The following ENTPD1 variants were observed in gnomAD, a reference collection of about 807,000 sequenced individuals.
The protein encoded by ENTPD1 is ectonucleoside triphosphate diphosphohydrolase 1.
Under a neutral mutation model 57.0 loss-of-function variants are expected in ENTPD1, and 33 were observed. That is an observed-to-expected ratio of 0.58 (90% CI 0.44 to 0.77). The LOEUF (loss-of-function observed/expected upper bound fraction) is 0.77, where lower values mean the gene tolerates loss of function less well. ENTPD1 is among the 30% of genes least tolerant of loss of function. The pLI is 0.00. For missense variants in ENTPD1, 501 were observed against 603.4 expected (o/e 0.83, Z 1.78); for synonymous variants, 202 against 218.8 (o/e 0.92, Z 0.68).
chr10:95,853,312 CA>C (rs1252019804), intron 7 of ENTPD1, among the ~76,000 whole-genome samples: 1 of 152,170 alleles, frequency 6.6e-6, no homozygotes, highest in Admixed American at 6.5e-5. Context: ...AGTTGTTTAT[CA>C]GCTTAAGGAG....
chr10:95,707,333 T>A (rs981608309), upstream of ENTPD1, among the ~76,000 whole-genome samples: 4 of 152,240 alleles, frequency 2.6e-5, no homozygotes, highest in Admixed American at 1.3e-4. Context: ...GGCCTGGGTC[T>A]GCAGCCACAG....
Position 95,856,243 on chromosome 10 carries a change from C to T in ENTPD1, c.1075-4226C>T, listed in dbSNP as rs184924780. Among the ~76,000 whole-genome samples, 736 of 152,236 alleles carry T rather than the reference C, an allele frequency of 4.8e-3. 4 individuals carry two copies. Among genetic ancestry groups the T allele is most frequent in the Non-Finnish European group, 7.5e-3 (511 of 67,998 alleles). ...AATGGCCAACAAACATGAAAAAATG[C>T]TCAACATCACTAATTATCAGGGAAA... is the stretch of plus-strand genomic sequence containing the variant. On this transcript the variant is annotated intron_variant, in intron 7 of 9. Coordinates refer to ENST00000371205, the MANE Select transcript of ENTPD1 (RefSeq NM_001776.6).
chr10:95,736,619 C>T (rs2097994917), intron 1 of ENTPD1, among the ~76,000 whole-genome samples: 1 of 152,070 alleles, frequency 6.6e-6, no homozygotes, highest in Non-Finnish European at 1.5e-5. Context: ...CACGCACACC[C>T]CTTCAGATCT....
chr10:95,727,193 G>A (rs1371305743), intron 1 of ENTPD1, among the ~76,000 whole-genome samples: 2 of 152,000 alleles, frequency 1.3e-5, no homozygotes, highest in Non-Finnish European at 2.9e-5. Flanking sequence ...TCATAGTTTT[G>A]GTACACTGAA....
chr10:95,842,991 G>T (rs1209996172), intron 4 of ENTPD1, among the ~76,000 whole-genome samples: 6 of 152,200 alleles, frequency 3.9e-5, no homozygotes, highest in Non-Finnish European at 7.3e-5. Flanking sequence ...AAGGAAATCA[G>T]TTTCAATGCA....
At chr10:95,793,696 G>A (rs1184398922) in intron 1 of ENTPD1, among the ~76,000 whole-genome samples, 2 of 152,130 alleles carry the variant, frequency 1.3e-5, no homozygotes, top group Non-Finnish European at 2.9e-5. Context: ...TCTGATGCAG[G>A]TTTATGGTTA....
rs370370582 is a variant in ENTPD1, at chr10:95,809,695, C to T, written c.17-13542C>T. Among the ~76,000 whole-genome samples, 648 of 123,716 alleles carry T rather than the reference C, an allele frequency of 5.2e-3. 2 individuals carry two copies. Among genetic ancestry groups the T allele is most frequent in the Middle Eastern group, 0.025 (3 of 122 alleles). 81.2% of individuals were successfully genotyped at this position (123,716 alleles called of 152,430 possible). A position where few individuals can be genotyped will look rare whatever the true frequency, so the allele number is the denominator to read the frequency against. ...AGACGGGGTGGCCGCCGGGCAGAGG[C>T]GCTCCCCACCCCCCAGACGGGGTGG... On this transcript the variant is annotated intron_variant, in intron 1 of 9. Transcript: ENST00000371205.
At chr10:95,757,872 G>A (rs928104805) in intron 1 of ENTPD1, among the ~76,000 whole-genome samples, 6 of 151,780 alleles carry the variant, frequency 4.0e-5, no homozygotes, top group Non-Finnish European at 8.8e-5. Flanking sequence ...GGGTGTGGTG[G>A]TGTGCGCCTG....
intron 1 of ENTPD1, chr10:95,785,294 C>T (rs2098174778): frequency 6.6e-6 from 1 of 152,218 alleles, no homozygotes; most frequent in Non-Finnish European, 1.5e-5. Flanking sequence ...GATAAACCTA[C>T]CTTCCAATCA....
intron 1 of ENTPD1, among the ~76,000 whole-genome samples, chr10:95,716,630 T>C (rs2097971862): frequency 6.6e-6 from 1 of 152,104 alleles, no homozygotes; most frequent in South Asian, 2.1e-4. Context: ...TCCACATGCT[T>C]GCTTGCCACT....
At chr10:95,726,324 C>T in intron 1 of ENTPD1, among the ~76,000 whole-genome samples, 1 of 152,142 alleles carries the variant, frequency 6.6e-6, no homozygotes, top group East Asian at 1.9e-4. Flanking sequence ...ATTTTAAAAA[C>T]TAAAGAGAAG....
At chr10:95,845,290 C>G in intron 5 of ENTPD1, 67 bp from the exon 6 acceptor site, 1 of 1,610,130 alleles carries the variant, frequency 6.2e-7, no homozygotes, top group African/African-American at 1.3e-5. Context: ...ATCCCTGACT[C>G]CAATAGATAC....
Position 95,870,237 on chromosome 10 carries a change from T to C in ENTPD1, c.*3854T>C, listed in dbSNP as rs758808610. 66 of 985,284 alleles carry C rather than the reference T, an allele frequency of 6.7e-5. No individual in the cohort carries two copies. The highest frequency in any genetic ancestry group is 8.0e-5 in the Non-Finnish European group (66 of 829,910). The allele number at this position is 985,284 out of a possible 1,614,324, so 61.0% of individuals were successfully genotyped here. A position where few individuals can be genotyped will look rare whatever the true frequency, so the allele number is the denominator to read the frequency against. ...GTTTCATCTGGATTTAAAGATTAAT[T>C]CTTGATGCTTACATTCCATACTCAA... On this transcript the variant is annotated 3_prime_UTR_variant, in exon 10 of 10. Coordinates refer to ENST00000371205, the MANE Select transcript of ENTPD1 (RefSeq NM_001776.6).
intron 1 of ENTPD1, among the ~76,000 whole-genome samples, chr10:95,714,593 GA>G (rs2097969424): frequency 6.6e-6 from 1 of 152,092 alleles, no homozygotes; most frequent in African/African-American, 2.4e-5. Flanking sequence ...TTGAAAAATA[GA>G]ATAGCTTATA....
chr10:95,796,284 G>A (rs1016731229), intron 1 of ENTPD1, among the ~76,000 whole-genome samples: 1 of 152,136 alleles, frequency 6.6e-6, no homozygotes, highest in African/African-American at 2.4e-5. Flanking sequence ...TTATAGCATT[G>A]TGAGAAGGGT....
chr10:95,866,352 AGCCT>A lies in ENTPD1; in HGVS notation c.1503_1506del (p.Lys501AsnfsTer14). The A allele has an allele frequency of 1.9e-6, 3 of 1,614,142 alleles. No individual in the cohort carries two copies. Among genetic ancestry groups the A allele is most frequent in the Non-Finnish European group, 2.5e-6 (3 of 1,180,026 alleles). On this transcript the variant is annotated frameshift_variant, in exon 10 of 10. Transcript: ENST00000371205. LOFTEE classifies it high-confidence loss of function. ...ATCATAGGCTTGCTTATCTTTCACA[AGCCT>A]TCATATTTCTGGAAAGATATGGTAT...
At position 95,756,198 on chromosome 10, in the gene ENTPD1, G is replaced by A. The variant is rs558491717; in HGVS notation, c.-42G>A. ...ACCACAGCAAGCAGAGGCTGGGGGG[G>A]GGAAAGACGAGGAAAGAGGAGGAAA... On this transcript the variant is annotated 5_prime_UTR_variant, in exon 1 of 10. Transcript: ENST00000371205. The A allele has an allele frequency of 2.0e-5, 31 of 1,581,392 alleles. No homozygotes were observed. Among genetic ancestry groups the A allele is most frequent in the East Asian group, 1.6e-4 (7 of 42,856 alleles).
intron 6 of ENTPD1, 101 bp from the exon 7 acceptor site, chr10:95,847,344 TG>T: frequency 7.4e-7 from 1 of 1,357,356 alleles, no homozygotes; most frequent in South Asian, 1.2e-5. Context: ...CAATACCAAG[TG>T]GTGGGATGTT....
intron 1 of ENTPD1, chr10:95,712,013 C>T (rs2139806123): frequency 6.2e-7 from 1 of 1,613,876 alleles, no homozygotes; most frequent in East Asian, 2.2e-5. Flanking sequence ...TCTTACCAGT[C>T]AGGCTCCCGG....
Sources: gnomAD v4.1 joint callset for allele counts (sites outside exome capture counted in the v4.1 genomes callset) on GRCh38, gnomAD v4.1.1 for gene constraint, MANE v1.5 for transcripts, NCBI Gene and HGNC (gene_info 2026-07-23, HGNC 2026-07-21) for gene names.